Variants in DMD observed in about 807,000 individuals in gnomAD.
The protein encoded by DMD is mutant dystrophin.
Under a neutral mutation model 330.1 loss-of-function variants are expected in DMD, and 63 were observed. The ratio of observed to expected loss-of-function variants is 0.19; its 90% CI spans 0.16 to 0.24. The LOEUF is 0.24. Ranked by LOEUF, DMD falls within the 10% of genes least tolerant of loss-of-function variation. The probability of loss-of-function intolerance (pLI) is 1.00; values close to 1 mark genes in which losing one functional copy is unlikely to be tolerated. For synonymous variants in DMD, 1,223 were observed against 959.8 expected (o/e 1.27, Z -5.07); for missense variants, 3,344 against 2,684.1 (o/e 1.25, Z -5.43).
chrX:33,102,418 C>T (rs1394608194), intron 1 of DMD, among the ~76,000 whole-genome samples: 3 of 108,746 alleles, frequency 2.8e-5, no homozygotes, highest in Non-Finnish European at 5.7e-5. Flanking sequence ...TGTTATTTGA[C>T]AAAGTTCTAA....
chrX:32,932,062 A>G (rs923794660), intron 2 of DMD, among the ~76,000 whole-genome samples: 2 of 112,357 alleles, frequency 1.8e-5, no homozygotes, highest in African/African-American at 6.5e-5. Context: ...TGTCCTTATC[A>G]AGTAAAAATA....
intron 78 of DMD, among the ~76,000 whole-genome samples, chrX:31,123,068 A>AAAATT (rs1297019407): frequency 1.8e-5 from 2 of 110,713 alleles, no homozygotes; most frequent in African/African-American, 6.6e-5. Flanking sequence ...AATACCAATA[A>AAAATT]AAATTAAAGA....
chrX:31,613,233 T>C (rs1161809780), intron 55 of DMD, among the ~76,000 whole-genome samples: 6 of 112,168 alleles, frequency 5.3e-5, no homozygotes, highest in Non-Finnish European at 1.1e-4. Context: ...CTGTCACTGA[T>C]TGACAAATAG....
intron 50 of DMD, among the ~76,000 whole-genome samples, chrX:31,814,434 G>A (rs2092556669): frequency 2.4e-5 from 2 of 83,385 alleles, no homozygotes; most frequent in Non-Finnish European, 4.3e-5. Context: ...AGTGAGCCGA[G>A]ATCGCGCCAC....
chrX:31,826,467 T>C (rs1453069712), intron 49 of DMD, among the ~76,000 whole-genome samples: 2 of 112,637 alleles, frequency 1.8e-5, no homozygotes, highest in African/African-American at 6.4e-5. Context: ...ATTATTTATA[T>C]ATTATACAAG....
intron 7 of DMD, among the ~76,000 whole-genome samples, chrX:32,715,468 T>TC (rs1491540341): frequency 1.2e-4 from 2 of 17,016 alleles, no homozygotes; most frequent in South Asian, 2.5e-3. Context: ...AGAGATTCCA[T>TC]CAAAAAAAAA....
chrX:31,322,389 T>A (rs2056488487), intron 62 of DMD, among the ~76,000 whole-genome samples: 1 of 111,933 alleles, frequency 8.9e-6, no homozygotes, highest in African/African-American at 3.2e-5. Context: ...ATGTACAGTT[T>A]TGAGTGACTA....
chrX:32,703,545 G>A (rs771151459), intron 7 of DMD, among the ~76,000 whole-genome samples: 2 of 111,517 alleles, frequency 1.8e-5, no homozygotes, highest in East Asian at 2.8e-4. Context: ...GACTATGTTA[G>A]ATTATGAGTA....
chrX:31,763,937 G>A (rs1280661150), intron 51 of DMD, among the ~76,000 whole-genome samples: 1 of 110,834 alleles, frequency 9.0e-6, no homozygotes, highest in African/African-American at 3.3e-5. Context: ...ATCCAGTGGC[G>A]CTATCATAGC....
At chrX:32,429,377 T>C (rs1359975391) in intron 29 of DMD, among the ~76,000 whole-genome samples, 1 of 65,675 alleles carries the variant, frequency 1.5e-5, no homozygotes, top group Non-Finnish European at 2.8e-5. Context: ...GCCTGGATAC[T>C]TTTTTTTGGG....
intron 7 of DMD, among the ~76,000 whole-genome samples, chrX:32,715,193 C>G (rs993216796): frequency 9.0e-6 from 1 of 110,966 alleles, no homozygotes; most frequent in South Asian, 3.8e-4. Context: ...AAAAGGAGAT[C>G]TTGGGCCAGG....
In DMD at chrX:32,218,825, CTCT is replaced by C. The variant is rs763566462; in HGVS notation, c.6291-1765_6291-1763del. Among the ~76,000 whole-genome samples the C allele has an allele frequency of 4.5e-5, 5 of 111,845 alleles. No individual in the cohort carries two copies. The South Asian group carries it at 1.5e-3, about 33-fold the overall frequency. ...AGAGAGAGGCTTCTAACCCAAATAT[CTCT>C]TGTTTCAATGGCACTTTTCTACCAG... On this transcript the variant is annotated intron_variant, in intron 43 of 78. Coordinates refer to ENST00000357033, the MANE Select transcript of DMD (RefSeq NM_004006.3).
chrX:31,976,249 G>T (rs2095435160), intron 44 of DMD, among the ~76,000 whole-genome samples: 1 of 111,332 alleles, frequency 9.0e-6, no homozygotes, highest in South Asian at 3.8e-4. Context: ...ATTGGAGACA[G>T]AAATGAAGGA....
intron 51 of DMD, among the ~76,000 whole-genome samples, chrX:31,744,132 T>C (rs1465251784): frequency 1.8e-5 from 2 of 112,018 alleles, no homozygotes; most frequent in Admixed American, 1.9e-4. Context: ...CCTCCCAAAG[T>C]GTTAGGATTA....
chrX:31,171,921 C>T (rs1339885893), intron 73 of DMD, among the ~76,000 whole-genome samples: 3 of 111,825 alleles, frequency 2.7e-5, no homozygotes, highest in African/African-American at 9.7e-5. Flanking sequence ...AACTAACCTA[C>T]CATATGTGAA....
chrX:31,301,872 G>A (rs1289543842), intron 62 of DMD, among the ~76,000 whole-genome samples: 2 of 111,875 alleles, frequency 1.8e-5, no homozygotes, highest in Non-Finnish European at 3.8e-5. Context: ...GGAAGGGAAT[G>A]GGAGGTTGAA....
intron 50 of DMD, among the ~76,000 whole-genome samples, chrX:31,782,446 T>C (rs967213972): frequency 7.2e-5 from 8 of 111,004 alleles, no homozygotes; most frequent in Non-Finnish European, 1.5e-4. Flanking sequence ...CGTCTCAACT[T>C]ATAACCAAAA....
In DMD at chrX:32,380,557, C is replaced by T. The variant is rs753565464; in HGVS notation, c.4798G>A (p.Val1600Ile). Residue 1600 changes from valine to isoleucine, a missense_variant, in exon 34 of 79, where the codon GTT becomes ATT. Coordinates refer to ENST00000357033, the MANE Select transcript of DMD (RefSeq NM_004006.3). ...TDMELTKRSA[V>I]EGMPSNLDSE... ...TCCAAATTACTAGGCATTCCTTCAACTGCTGATCTCTTTGTCAATTCCATA... is the reference window on the plus strand; with the variant it reads ...TCCAAATTACTAGGCATTCCTTCAATTGCTGATCTCTTTGTCAATTCCATA... 2 of 1,210,781 alleles carry T rather than the reference C, an allele frequency of 1.7e-6. No homozygotes were observed. Among genetic ancestry groups the T allele is most frequent in the Admixed American group, 4.4e-5 (2 of 45,961 alleles).
intron 1 of DMD, among the ~76,000 whole-genome samples, chrX:33,132,044 C>A (rs1450949516): frequency 8.9e-6 from 1 of 112,121 alleles, no homozygotes; most frequent in Non-Finnish European, 1.9e-5. Context: ...AAACCTAGTT[C>A]ATAAATAATC....
Sources: gnomAD v4.1 joint callset for allele counts (sites outside exome capture counted in the v4.1 genomes callset) on GRCh38, gnomAD v4.1.1 for gene constraint, MANE v1.5 for transcripts, NCBI Gene and HGNC (gene_info 2026-07-23, HGNC 2026-07-21) for gene names.